The following C8orf88 variants were observed in gnomAD, a reference collection of about 807,000 sequenced individuals.
C8orf88 encodes uncharacterized protein C8orf88.
In C8orf88, 14 loss-of-function variants were observed where a neutral mutation model predicts 18.4. The ratio of observed to expected loss-of-function variants is 0.76; its 90% CI spans 0.50 to 1.19. C8orf88 has a LOEUF of 1.19. C8orf88 is among the 50% of genes most tolerant of loss of function. The pLI is 0.00. For synonymous variants in C8orf88, 45 were observed against 42.9 expected (o/e 1.05, Z -0.19); for missense variants, 116 against 134.7 (o/e 0.86, Z 0.69).
chr8:90,983,613 A>G (rs1193826495), intron 1 of C8orf88, among the ~76,000 whole-genome samples: 1 of 152,136 alleles, frequency 6.6e-6, no homozygotes, highest in Non-Finnish European at 1.5e-5. Flanking sequence ...CTTATTTTTT[A>G]ATTAAGATGC....
chr8:90,972,776 A>C lies in C8orf88; in HGVS notation c.148-1635T>G, dbSNP rs531049126. ...TAAGAAACAGCTGAGCTAGGTTTTG[A>C]AACTCAAGGCTACTATGTAAATTTG... is the stretch of plus-strand genomic sequence containing the variant. On this transcript the variant is annotated intron_variant, in intron 3 of 5. Coordinates refer to ENST00000517562, the MANE Select transcript of C8orf88 (RefSeq NM_001190972.2). 6.6e-5 allele frequency among the ~76,000 whole-genome samples: 10 copies of C among 152,262 alleles called. No homozygotes were observed. The South Asian group carries it at 2.1e-3, about 32-fold the overall frequency.
chr8:90,975,446 T>C (rs1480658174), intron 3 of C8orf88, among the ~76,000 whole-genome samples: 1 of 151,556 alleles, frequency 6.6e-6, no homozygotes, highest in Non-Finnish European at 1.5e-5. Flanking sequence ...ATAATAGAAA[T>C]AGTCAAAAAG....
intron 4 of C8orf88, among the ~76,000 whole-genome samples, chr8:90,968,190 T>TA (rs1346964544): frequency 2.6e-4 from 40 of 151,500 alleles, no homozygotes; most frequent in African/African-American, 8.2e-4. Context: ...GCTATAGTAA[T>TA]CAAAAAAATG....
chr8:90,978,528 G>A (rs1204058538), intron 3 of C8orf88, 51 bp downstream of exon 3: 2 of 1,179,782 alleles, frequency 1.7e-6, no homozygotes, highest in Non-Finnish European at 2.4e-6. Flanking sequence ...TCTAACACAT[G>A]TTACTTTCCA....
intron 1 of C8orf88, among the ~76,000 whole-genome samples, 177 bp from the exon 2 acceptor site, chr8:90,980,638 C>T (rs1204440658): frequency 6.6e-6 from 1 of 152,126 alleles, no homozygotes; most frequent in African/African-American, 2.4e-5. Flanking sequence ...GCATTTGTCA[C>T]AGTTAAACAT....
chr8:90,985,263 G>GGGGGCGA (rs1563557214), upstream of C8orf88: 1 of 148,730 alleles, frequency 6.7e-6, no homozygotes, highest in East Asian at 2.0e-4. Flanking sequence ...GCGAGGGGCG[G>GGGGGCGA]GGGGCGAGGG....
chr8:90,979,590 C>T (rs1014016137), intron 2 of C8orf88, among the ~76,000 whole-genome samples: 1 of 152,124 alleles, frequency 6.6e-6, no homozygotes, highest in Non-Finnish European at 1.5e-5. Context: ...CCACTTCTAC[C>T]TTTTTTGCTT....
chr8:90,963,489 A>C (rs1026716389), intron 4 of C8orf88, among the ~76,000 whole-genome samples: 2 of 151,804 alleles, frequency 1.3e-5, no homozygotes, highest in African/African-American at 4.8e-5. Context: ...AGAAATTTTC[A>C]GTAAGGAAGC....
intron 4 of C8orf88, among the ~76,000 whole-genome samples, chr8:90,969,092 T>C (rs991273394): frequency 3.3e-5 from 5 of 151,772 alleles, no homozygotes; most frequent in African/African-American, 1.2e-4. Context: ...CAACTACCAA[T>C]GATCCAGCAA....
intron 3 of C8orf88, among the ~76,000 whole-genome samples, chr8:90,972,478 G>A (rs1811297195): frequency 6.6e-6 from 1 of 151,704 alleles, no homozygotes. Context: ...CACTAAGTGT[G>A]TAACATCTAC....
intron 4 of C8orf88, among the ~76,000 whole-genome samples, chr8:90,967,933 A>G (rs112596195): frequency 2.6e-5 from 4 of 151,900 alleles, no homozygotes; most frequent in Admixed American, 6.6e-5. Context: ...GAATACCTAA[A>G]TGGGAAGATT....
intron 3 of C8orf88, among the ~76,000 whole-genome samples, chr8:90,973,807 T>C (rs528147889): frequency 3.1e-4 from 47 of 152,204 alleles, no homozygotes; most frequent in African/African-American, 9.9e-4. Context: ...AGCAAGAATG[T>C]TCCCAGCCTC....
chr8:90,966,325 G>A (rs541932878), intron 4 of C8orf88, among the ~76,000 whole-genome samples: 7 of 137,204 alleles, frequency 5.1e-5, no homozygotes, highest in Non-Finnish European at 9.3e-5. Flanking sequence ...GACACAGGAA[G>A]GGGAACATCA....
chr8:90,981,610 A>C (rs575417916), intron 1 of C8orf88, among the ~76,000 whole-genome samples: 1 of 152,260 alleles, frequency 6.6e-6, no homozygotes, highest in East Asian at 1.9e-4. Flanking sequence ...GTATTTTATC[A>C]CTTTTTCTAA....
chr8:90,982,699 G>C (rs1196310557), intron 1 of C8orf88, among the ~76,000 whole-genome samples: 1 of 152,016 alleles, frequency 6.6e-6, no homozygotes, highest in South Asian at 2.1e-4. Flanking sequence ...ATGGCTCCCT[G>C]TATATAAATC....
chr8:90,980,177 T>G (rs117462494), intron 2 of C8orf88, among the ~76,000 whole-genome samples, 186 bp downstream of exon 2: 1 of 152,320 alleles, frequency 6.6e-6, no homozygotes, highest in Non-Finnish European at 1.5e-5. Flanking sequence ...CTACTTTTGT[T>G]GGTCTGGTAG....
At chr8:90,962,028 G>A (rs1186221349) in intron 4 of C8orf88, among the ~76,000 whole-genome samples, 1 of 151,360 alleles carries the variant, frequency 6.6e-6, no homozygotes, top group Non-Finnish European at 1.5e-5. Context: ...GAATAAGAAG[G>A]GTTGAATTAC....
rs1811402301 is a variant in C8orf88 at position 90,979,620 on chromosome 8, GTATC to G, written c.73+739_73+742del. ...TTGCTTCATTTGTAAACTCAACAAA[GTATC>G]TATATTTTCCCATTTATAAGTAGTA... On this transcript the variant is annotated intron_variant, in intron 2 of 5. Coordinates refer to ENST00000517562, the MANE Select transcript of C8orf88 (RefSeq NM_001190972.2). Among the ~76,000 whole-genome samples, 3 of 152,268 alleles carry G rather than the reference GTATC, an allele frequency of 2.0e-5. No individual in the cohort carries two copies. The South Asian group carries it at 6.2e-4, about 32-fold the overall frequency.
intron 3 of C8orf88, 109 bp downstream of exon 3, chr8:90,978,470 T>C (rs956573768): frequency 8.0e-6 from 4 of 500,964 alleles, no homozygotes; most frequent in Non-Finnish European, 1.3e-5. Context: ...CATATGTACA[T>C]AAATTTTTAT....
Sources: allele counts gnomAD v4.1 joint callset (sites outside exome capture counted in the v4.1 genomes callset), GRCh38; gene constraint gnomAD v4.1.1; transcripts MANE v1.5; gene names NCBI Gene and HGNC (gene_info 2026-07-23, HGNC 2026-07-21).